Variants in OSBPL8 observed in about 807,000 individuals in gnomAD.
OSBPL8 encodes the protein oxysterol binding protein like 8, also known as oxysterol-binding protein-related protein 8.
OSBPL8 carries 59 observed loss-of-function variants against 125.5 expected under a neutral mutation model. The observed-to-expected ratio is 0.47, with a 90% CI of 0.38 to 0.58. OSBPL8 has a LOEUF of 0.58. OSBPL8 is among the 20% of genes least tolerant of loss of function. OSBPL8 has a pLI of 0.00. For missense variants in OSBPL8, 758 were observed against 1,047.8 expected, an observed-to-expected ratio of 0.72 and a Z score of 3.82; for synonymous variants, 330 against 338.9, an observed-to-expected ratio of 0.97 and a Z score of 0.29.
At chr12:76,487,461 A>C (rs1315765421) in intron 2 of OSBPL8, 49 bp downstream of exon 2, 1 of 1,493,334 alleles carries the variant, frequency 6.7e-7, no homozygotes, top group African/African-American at 1.4e-5. Flanking sequence ...TACATCAAAC[A>C]CTTCACAGTT....
At chr12:76,442,533 T>G (rs894545093) in intron 4 of OSBPL8, among the ~76,000 whole-genome samples, 2 of 152,060 alleles carry the variant, frequency 1.3e-5, no homozygotes, top group African/African-American at 2.4e-5. Flanking sequence ...ATTAGCATAA[T>G]CTGTAATTAT....
At chr12:76,471,587 C>G (rs922073850) in intron 2 of OSBPL8, among the ~76,000 whole-genome samples, 1 of 152,130 alleles carries the variant, frequency 6.6e-6, no homozygotes, top group African/African-American at 2.4e-5. Flanking sequence ...TCTTCCATAC[C>G]GATATCATAG....
chr12:76,362,807 TTAAGCTGA>T (rs570585122), intron 21 of OSBPL8, among the ~76,000 whole-genome samples: 30 of 152,318 alleles, frequency 2.0e-4, no homozygotes, highest in African/African-American at 7.2e-4. Context: ...CAAAATCTCC[TTAAGCTGA>T]TAAGCAACTT....
At chr12:76,486,118 A>G (rs1477267369) in intron 2 of OSBPL8, 7 of 386,166 alleles carry the variant, frequency 1.8e-5, no homozygotes, top group South Asian at 3.9e-5. Context: ...CTCTACTAAC[A>G]ATTTATTTTA....
intron 2 of OSBPL8, among the ~76,000 whole-genome samples, chr12:76,483,542 C>A (rs1157356176): frequency 2.1e-4 from 31 of 147,172 alleles, no homozygotes; most frequent in Non-Finnish European, 3.0e-5. Context: ...CCAACCTGGG[C>A]AACAGAGCGA....
At chr12:76,433,890 G>C (rs1180239692) in intron 4 of OSBPL8, among the ~76,000 whole-genome samples, 2 of 147,624 alleles carry the variant, frequency 1.4e-5, no homozygotes, top group African/African-American at 2.5e-5. Flanking sequence ...CAGGATAATT[G>C]CTTGAACCCA....
intron 1 of OSBPL8, among the ~76,000 whole-genome samples, chr12:76,519,642 C>T (rs981206760): frequency 7.2e-5 from 11 of 152,144 alleles, no homozygotes; most frequent in Non-Finnish European, 5.9e-5. Context: ...TATTTTGGCT[C>T]ATGGTCCCGC....
intron 1 of OSBPL8, among the ~76,000 whole-genome samples, chr12:76,495,200 G>T (rs1879150716): frequency 6.6e-6 from 1 of 152,116 alleles, no homozygotes; most frequent in Non-Finnish European, 1.5e-5. Flanking sequence ...CAATATTCTA[G>T]CTATTTCCTT....
intron 12 of OSBPL8, among the ~76,000 whole-genome samples, chr12:76,389,077 G>A (rs1953446633): frequency 6.6e-6 from 1 of 152,132 alleles, no homozygotes; most frequent in African/African-American, 2.4e-5. Context: ...AGAAATTGCT[G>A]GGACAGAGGT....
chr12:76,532,444 A>T (rs537250590), intron 1 of OSBPL8, among the ~76,000 whole-genome samples: 1 of 152,334 alleles, frequency 6.6e-6, no homozygotes, highest in African/African-American at 2.4e-5. Context: ...TAATGAATAC[A>T]ATGAATGCTT....
chr12:76,458,795 G>C (rs1225391398), intron 3 of OSBPL8, among the ~76,000 whole-genome samples: 2 of 151,922 alleles, frequency 1.3e-5, no homozygotes, highest in Non-Finnish European at 2.9e-5. Context: ...AACAGCAACT[G>C]ATCTAGACTA....
intron 2 of OSBPL8, among the ~76,000 whole-genome samples, chr12:76,484,061 C>T (rs560505141): frequency 1.3e-5 from 2 of 152,258 alleles, no homozygotes; most frequent in African/African-American, 4.8e-5. Flanking sequence ...AAATGACAAA[C>T]CATTACTTGC....
intron 1 of OSBPL8, among the ~76,000 whole-genome samples, chr12:76,548,916 T>C (rs1950860369): frequency 6.6e-6 from 1 of 151,820 alleles, no homozygotes; most frequent in African/African-American, 2.4e-5. Flanking sequence ...ACATAAAAAC[T>C]GACCGGAGGA....
intron 1 of OSBPL8, among the ~76,000 whole-genome samples, chr12:76,518,903 G>A (rs1407776144): frequency 3.9e-5 from 6 of 152,204 alleles, no homozygotes; most frequent in African/African-American, 1.4e-4. Flanking sequence ...GGCCTGTGAT[G>A]GGAGAGGCTG....
Position 76,547,692 on chromosome 12 carries a change from C to A in OSBPL8, c.-68+11705G>T, listed in dbSNP as rs146307765. ...ATCTAGATACACTTGAGAAACAGAA[C>A]AAAAGACTTCCAAATAATTAAAATG... On this transcript the variant is annotated intron_variant, in intron 1 of 23. Transcript: ENST00000261183. Among the ~76,000 whole-genome samples, 394 of 152,182 alleles carry A rather than the reference C, an allele frequency of 2.6e-3. 1 individual carries two copies. Among genetic ancestry groups the A allele is most frequent in the African/African-American group, 9.2e-3 (381 of 41,538 alleles).
intron 6 of OSBPL8, among the ~76,000 whole-genome samples, chr12:76,402,398 A>C (rs1433769968): frequency 6.6e-6 from 1 of 152,202 alleles, no homozygotes; most frequent in Non-Finnish European, 1.5e-5. Flanking sequence ...ACATAGTGAT[A>C]ATATACCTAG....
intron 22 of OSBPL8, among the ~76,000 whole-genome samples, chr12:76,357,136 C>A (rs1379775596): frequency 6.6e-6 from 1 of 152,092 alleles, no homozygotes; most frequent in East Asian, 1.9e-4. Flanking sequence ...CCTTTCGACA[C>A]CACTTCTGCA....
chr12:76,403,459 G>A (rs1414562244), intron 5 of OSBPL8, among the ~76,000 whole-genome samples: 1 of 152,174 alleles, frequency 6.6e-6, no homozygotes. Context: ...GGGAAGCTCA[G>A]GAAGGTTGAT....
chr12:76,485,974 TAC>T, intron 2 of OSBPL8: 3 of 390,616 alleles, frequency 7.7e-6, no homozygotes, highest in South Asian at 5.8e-5. Context: ...CATTAAGTTC[TAC>T]AGACAAGGCT....
Sources: allele counts gnomAD v4.1 joint callset (sites outside exome capture counted in the v4.1 genomes callset), GRCh38; gene constraint gnomAD v4.1.1; transcripts MANE v1.5; gene names NCBI Gene and HGNC (gene_info 2026-07-23, HGNC 2026-07-21).